EYS: variants seen among roughly 807,000 people sequenced by gnomAD.
EYS encodes EGF-like photoreceptor maintenance factor.
Under a neutral mutation model 282.1 loss-of-function variants are expected in EYS, and 250 were observed. The observed-to-expected ratio is 0.89, with a 90% CI of 0.80 to 0.98. EYS has a LOEUF of 0.98. EYS is among the 50% of genes least tolerant of loss of function. The pLI is 0.00. For missense variants in EYS, 4,016 were observed against 3,709.0 expected (o/e 1.08, Z -2.15); for synonymous variants, 1,355 against 1,282.9 (o/e 1.06, Z -1.20).
At chr6:65,066,025 T>C (rs531131583) in intron 12 of EYS, among the ~76,000 whole-genome samples, 1 of 152,318 alleles carries the variant, frequency 6.6e-6, no homozygotes. Context: ...TTGGTTTAAT[T>C]AGTTCAATGA....
intron 24 of EYS, among the ~76,000 whole-genome samples, chr6:64,614,355 T>C (rs563644333): frequency 7.6e-4 from 115 of 152,216 alleles, no homozygotes; most frequent in African/African-American, 2.7e-3. Flanking sequence ...TTTTACGCAA[T>C]GCATCATGTG....
chr6:65,443,755 C>T (rs185707559), intron 5 of EYS, among the ~76,000 whole-genome samples: 3 of 88,058 alleles, frequency 3.4e-5, no homozygotes, highest in Admixed American at 2.9e-4. Flanking sequence ...TATACACATA[C>T]GTGCATATAC....
chr6:65,127,178 C>T (rs1775743357), intron 12 of EYS, among the ~76,000 whole-genome samples: 1 of 152,056 alleles, frequency 6.6e-6, no homozygotes, highest in African/African-American at 2.4e-5. Context: ...AGTTGTACTA[C>T]TTAAATCCTT....
At chr6:64,896,091 T>A (rs1270512888) in intron 18 of EYS, among the ~76,000 whole-genome samples, 2 of 152,170 alleles carry the variant, frequency 1.3e-5, no homozygotes, top group East Asian at 3.9e-4. Context: ...ATATAAGGAT[T>A]CTTACAAAGC....
At chr6:65,569,428 C>T (rs1000372419) in intron 2 of EYS, among the ~76,000 whole-genome samples, 6 of 152,096 alleles carry the variant, frequency 3.9e-5, no homozygotes, top group Non-Finnish European at 5.9e-5. Flanking sequence ...AACAGTTTTT[C>T]GAAAACAAAT....
At chr6:63,858,980 A>G (rs759559616) in intron 36 of EYS, among the ~76,000 whole-genome samples, 4 of 150,448 alleles carry the variant, frequency 2.7e-5, no homozygotes, top group Non-Finnish European at 5.9e-5. Context: ...TGATTTTGTA[A>G]TACCTTGGCT....
Position 65,195,350 on chromosome 6 carries a change from A to G in EYS, c.2023+100513T>C, listed in dbSNP as rs139936339. Reference sequence around the variant, plus strand: ...TAAGAATGATGCATGTCTATTCATAAAACATCAGCCTGGATTTTTCATTCT... The same window carrying G: ...TAAGAATGATGCATGTCTATTCATAGAACATCAGCCTGGATTTTTCATTCT... On this transcript the variant is annotated intron_variant, in intron 12 of 42. Transcript: ENST00000503581. 6.0e-3 allele frequency among the ~76,000 whole-genome samples: 915 copies of G among 152,152 alleles called. 23 individuals carry two copies. The highest frequency in any genetic ancestry group is 0.054 in the East Asian group (276 of 5,152).
chr6:63,903,768 T>A (rs1773710497), intron 35 of EYS, among the ~76,000 whole-genome samples: 1 of 152,174 alleles, frequency 6.6e-6, no homozygotes, highest in Non-Finnish European at 1.5e-5. Flanking sequence ...CAATAGATAT[T>A]GATGGAACGC....
At chr6:64,284,721 C>T (rs1360889321) in intron 30 of EYS, among the ~76,000 whole-genome samples, 8 of 152,160 alleles carry the variant, frequency 5.3e-5, no homozygotes, top group Non-Finnish European at 1.2e-4. Flanking sequence ...GGTTCCCAAA[C>T]CCCAATTCTT....
At chr6:64,680,006 G>C (rs532079409) in intron 22 of EYS, among the ~76,000 whole-genome samples, 1 of 151,968 alleles carries the variant, frequency 6.6e-6, no homozygotes, top group South Asian at 2.1e-4. Flanking sequence ...AAATAAATTA[G>C]GTTCCACATG....
At chr6:64,378,091 G>A (rs982241378) in intron 29 of EYS, among the ~76,000 whole-genome samples, 9 of 152,226 alleles carry the variant, frequency 5.9e-5, no homozygotes, top group African/African-American at 2.2e-4. Flanking sequence ...GTCCTTTAAT[G>A]TTGTATACAT....
intron 34 of EYS, among the ~76,000 whole-genome samples, 162 bp downstream of exon 34, chr6:63,998,913 C>A (rs572642192): frequency 6.6e-6 from 1 of 151,654 alleles, no homozygotes; most frequent in South Asian, 2.1e-4. Context: ...TATATTTAAT[C>A]ATCCCTAAAG....
rs540871644 is a variant in EYS at position 64,815,147 on chromosome 6, A to AC, written c.3244-1571dup. On this transcript the variant is annotated intron_variant, in intron 21 of 42. Coordinates refer to ENST00000503581, the MANE Select transcript of EYS (RefSeq NM_001142800.2). ...TGGAACTTAGATAGTGATCTTGTAC[A>AC]CCCCCACCCCCTACAAGTGATAGAA... 520 of 387,198 alleles carry AC rather than the reference A, an allele frequency of 1.3e-3. 2 individuals are homozygous for AC. Among genetic ancestry groups the AC allele is most frequent in the African/African-American group, 9.9e-3 (468 of 47,364 alleles). The allele number at this position is 387,198 out of a possible 1,614,324, so 24.0% of individuals were successfully genotyped here.
intron 2 of EYS, among the ~76,000 whole-genome samples, chr6:65,538,163 C>T (rs994877072): frequency 1.3e-5 from 2 of 152,062 alleles, no homozygotes; most frequent in Non-Finnish European, 2.9e-5. Flanking sequence ...ACAATTATTA[C>T]AATCCTTTGT....
intron 12 of EYS, among the ~76,000 whole-genome samples, chr6:65,097,702 A>AGTCCTT (rs1389741038): frequency 1.3e-5 from 2 of 150,904 alleles, no homozygotes; most frequent in African/African-American, 4.8e-5. Flanking sequence ...ACATGCAACA[A>AGTCCTT]CATGGATAAA....
intron 2 of EYS, among the ~76,000 whole-genome samples, chr6:65,637,972 G>T (rs1462027575): frequency 6.6e-6 from 1 of 152,210 alleles, no homozygotes; most frequent in Non-Finnish European, 1.5e-5. Flanking sequence ...CACCTTCAAG[G>T]CAGGGATGGC....
intron 29 of EYS, among the ~76,000 whole-genome samples, chr6:64,342,306 A>T (rs934438956): frequency 1.3e-5 from 2 of 151,840 alleles, no homozygotes; most frequent in Admixed American, 6.6e-5. Flanking sequence ...TGTTAAGGGC[A>T]GCCGGAGAGA....
chr6:63,878,776 C>A (rs949082234), intron 35 of EYS, among the ~76,000 whole-genome samples: 2 of 152,178 alleles, frequency 1.3e-5, no homozygotes, highest in African/African-American at 4.8e-5. Flanking sequence ...CCCTCTGAGC[C>A]AGGCACGGGA....
intron 30 of EYS, among the ~76,000 whole-genome samples, chr6:64,242,310 T>G (rs1412911791): frequency 2.6e-5 from 4 of 152,114 alleles, no homozygotes; most frequent in African/African-American, 9.7e-5. Context: ...AGAGGCAAAC[T>G]CTCTGCCTTT....
Sources: gnomAD v4.1 joint callset for allele counts (sites outside exome capture counted in the v4.1 genomes callset) on GRCh38, gnomAD v4.1.1 for gene constraint, MANE v1.5 for transcripts, NCBI Gene and HGNC (gene_info 2026-07-23, HGNC 2026-07-21) for gene names.